Variants in SOX5 observed in about 807,000 individuals in gnomAD.
The protein encoded by SOX5 is SRY-box transcription factor 5, also known as transcription factor SOX-5.
Under a neutral mutation model 92.0 loss-of-function variants are expected in SOX5, and 9 were observed. The ratio of observed to expected loss-of-function variants is 0.10; its 90% CI spans 0.06 to 0.17. The LOEUF is 0.17. SOX5 is among the 10% of genes least tolerant of loss of function. The pLI, the probability that SOX5 is intolerant of heterozygous loss-of-function variation, is 1.00. For missense variants in SOX5, 642 were observed against 944.5 expected, an observed-to-expected ratio of 0.68 and a Z score of 4.20; for synonymous variants, 344 against 336.3, an observed-to-expected ratio of 1.02 and a Z score of -0.25.
chr12:23,760,494 TC>T (rs1808086586), intron 3 of SOX5, among the ~76,000 whole-genome samples: 1 of 152,140 alleles, frequency 6.6e-6, no homozygotes, highest in African/African-American at 2.4e-5. Flanking sequence ...CGCTATTGTT[TC>T]TTTCTGCCAA....
At chr12:24,061,008 T>C (rs1281048185) in intron 4 of SOX5, among the ~76,000 whole-genome samples, 1 of 152,186 alleles carries the variant, frequency 6.6e-6, no homozygotes, top group Non-Finnish European at 1.5e-5. Context: ...TTCTGTCACT[T>C]ATAACCAAAA....
At position 23,917,476 on chromosome 12, in the gene SOX5, C is replaced by T. The variant is rs535014615; in HGVS notation, c.39-21452G>A. ...GCTGAGGCAAGAGAATCGCTTGAGC[C>T]GGGGAGGCAGAGGTTGCAGCAAGCT... On this transcript the variant is annotated intron_variant, in intron 1 of 14. Coordinates refer to ENST00000451604, the MANE Select transcript of SOX5 (RefSeq NM_006940.6). Among the ~76,000 whole-genome samples, 15 of 152,138 alleles carry T rather than the reference C, an allele frequency of 9.9e-5. No homozygotes were observed. In the East Asian group the frequency reaches 2.7e-3, roughly 27 times the overall value.
At chr12:24,189,129 C>T in intron 4 of SOX5, among the ~76,000 whole-genome samples, 1 of 152,128 alleles carries the variant, frequency 6.6e-6, no homozygotes, top group East Asian at 1.9e-4. Context: ...TTATTAGAAA[C>T]TTCCTCAGTA....
chr12:23,672,387 C>T (rs2084936919), intron 6 of SOX5, among the ~76,000 whole-genome samples: 1 of 152,154 alleles, frequency 6.6e-6, no homozygotes, highest in Non-Finnish European at 1.5e-5. Context: ...CTTTTCTTTT[C>T]AAAACTGCCT....
At chr12:24,091,428 A>ATTT (rs556198750) in intron 4 of SOX5, among the ~76,000 whole-genome samples, 6,830 of 122,576 alleles carry the variant, frequency 0.056, 328 homozygotes, top group Non-Finnish European at 0.077. Context: ...AGAGAATGCT[A>ATTT]TTTTTTTTTT....
At chr12:23,945,148 T>C (rs1944342611) in intron 1 of SOX5, among the ~76,000 whole-genome samples, 1 of 152,152 alleles carries the variant, frequency 6.6e-6, no homozygotes, top group East Asian at 1.9e-4. Flanking sequence ...GTAATTTTGC[T>C]TTCTAAATGC....
chr12:23,734,887 T>G, intron 5 of SOX5, 135 bp from the exon 6 acceptor site: 1 of 617,386 alleles, frequency 1.6e-6, no homozygotes, highest in Non-Finnish European at 2.8e-6. Flanking sequence ...GCTCCTAAAT[T>G]ATCAGCAATT....
At position 23,649,823 on chromosome 12, in the gene SOX5, T is replaced by G. The variant is rs570456301; in HGVS notation, c.932-8926A>C. On this transcript the variant is annotated intron_variant, in intron 7 of 14. Transcript: ENST00000451604. ...CATCTCTATACTGTATAACACAGCC[T>G]AAGAAAAACAATTTTTCCAACAAGA... 1.4e-4 allele frequency among the ~76,000 whole-genome samples: 22 copies of G among 152,226 alleles called. No homozygotes were observed. In the Middle Eastern group the frequency reaches 0.01, roughly 71 times the overall value.
rs187448232 is a variant in SOX5 at position 23,780,610 on chromosome 12, A to G, written c.482-24886T>C. ...TATTTTAAACCAGTAGATTTAGAAC[A>G]AGAGTACAAAAATGGGCTGTGAGCA... On this transcript the variant is annotated intron_variant, in intron 3 of 14. Coordinates refer to ENST00000451604, the MANE Select transcript of SOX5 (RefSeq NM_006940.6). Among the ~76,000 whole-genome samples the G allele has an allele frequency of 4.2e-4, 64 of 152,244 alleles. 1 individual carries two copies. The East Asian group carries it at 0.011, about 25-fold the overall frequency.
chr12:24,245,166 A>T (rs972161697), intron 3 of SOX5, among the ~76,000 whole-genome samples: 1 of 152,016 alleles, frequency 6.6e-6, no homozygotes, highest in Admixed American at 6.6e-5. Flanking sequence ...TTTAATTGAC[A>T]CTAATTTTTC....
intron 1 of SOX5, among the ~76,000 whole-genome samples, chr12:23,899,120 G>T (rs2097206105): frequency 6.6e-6 from 1 of 152,048 alleles, no homozygotes; most frequent in Non-Finnish European, 1.5e-5. Flanking sequence ...CATTAAGAAG[G>T]CACCACAGGC....
chr12:23,966,253 A>T (rs1180161974), intron 4 of SOX5, among the ~76,000 whole-genome samples: 1 of 141,346 alleles, frequency 7.1e-6, no homozygotes, highest in Non-Finnish European at 1.5e-5. Flanking sequence ...CTGTTTGGGT[A>T]AAGGGCCTGT....
chr12:24,040,158 A>G (rs1956383189), intron 4 of SOX5, among the ~76,000 whole-genome samples: 1 of 152,200 alleles, frequency 6.6e-6, no homozygotes, highest in Non-Finnish European at 1.5e-5. Flanking sequence ...ATAGATTTAA[A>G]AAACCAGCAA....
intron 3 of SOX5, among the ~76,000 whole-genome samples, chr12:24,215,994 T>C (rs897495818): frequency 6.6e-6 from 1 of 152,150 alleles, no homozygotes; most frequent in Non-Finnish European, 1.5e-5. Context: ...CCCAGACAAG[T>C]CAATGGAAGG....
intron 1 of SOX5, among the ~76,000 whole-genome samples, chr12:24,529,797 A>T (rs1951017192): frequency 6.6e-6 from 1 of 152,226 alleles, no homozygotes; most frequent in South Asian, 2.1e-4. Context: ...AGGTGGGCAG[A>T]TCACGAGGTC....
At chr12:24,027,948 C>T (rs534059420) in intron 4 of SOX5, among the ~76,000 whole-genome samples, 4 of 152,090 alleles carry the variant, frequency 2.6e-5, no homozygotes, top group African/African-American at 7.2e-5. Context: ...CTTCTCCAAT[C>T]GGGTTCCTCC....
intron 1 of SOX5, among the ~76,000 whole-genome samples, chr12:24,402,093 A>C (rs1324428246): frequency 6.6e-6 from 1 of 152,200 alleles, no homozygotes; most frequent in Non-Finnish European, 1.5e-5. Flanking sequence ...TCAGAGTAAA[A>C]TGAGGAGGTG....
chr12:23,630,989 A>T (rs2078459374), intron 8 of SOX5, among the ~76,000 whole-genome samples: 1 of 151,946 alleles, frequency 6.6e-6, no homozygotes, highest in Non-Finnish European at 1.5e-5. Context: ...AATTAAGTAC[A>T]TTTTTCTGTG....
In SOX5 at chr12:23,622,024, T is replaced by A. The variant is rs917036462; in HGVS notation, c.1018-17491A>T. Among the ~76,000 whole-genome samples, 4 of 151,832 alleles carry A rather than the reference T, an allele frequency of 2.6e-5. No homozygotes were observed. In the East Asian group the frequency reaches 7.7e-4, roughly 29 times the overall value. ...AAATGACCTTTGGATGTGACAAGAG[T>A]TTTAGGTCAGCCTTGCTAAATGGAG... is the stretch of plus-strand genomic sequence containing the variant. On this transcript the variant is annotated intron_variant, in intron 8 of 14. Coordinates refer to ENST00000451604, the MANE Select transcript of SOX5 (RefSeq NM_006940.6).
Sources: allele counts gnomAD v4.1 joint callset (sites outside exome capture counted in the v4.1 genomes callset), GRCh38; gene constraint gnomAD v4.1.1; transcripts MANE v1.5; gene names NCBI Gene and HGNC (gene_info 2026-07-23, HGNC 2026-07-21).